EIF4G3: variants seen among roughly 807,000 people sequenced by gnomAD.
EIF4G3 encodes eukaryotic translation initiation factor 4 gamma 3.
In EIF4G3, 34 loss-of-function variants were observed where a neutral mutation model predicts 186.4. The observed-to-expected ratio is 0.18, with a 90% CI of 0.14 to 0.24. The LOEUF is 0.24. Among genes scored for constraint, EIF4G3 ranks in the 10% least tolerant of loss-of-function variants. The probability of loss-of-function intolerance (pLI) is 1.00; values close to 1 mark genes in which losing one functional copy is unlikely to be tolerated. For synonymous variants in EIF4G3, 673 were observed against 679.5 expected (o/e 0.99, Z 0.15); for missense variants, 1,536 against 1,948.5 (o/e 0.79, Z 3.99).
chr1:21,084,166 G>A (rs2095881036), intron 3 of EIF4G3, among the ~76,000 whole-genome samples: 1 of 150,940 alleles, frequency 6.6e-6, no homozygotes, highest in South Asian at 2.1e-4. Context: ...CTTTACTATG[G>A]TCTGTAATGT....
intron 2 of EIF4G3, among the ~76,000 whole-genome samples, chr1:21,121,662 C>G (rs1327665673): frequency 6.6e-6 from 1 of 151,846 alleles, no homozygotes; most frequent in Non-Finnish European, 1.5e-5. Context: ...GTAGTCCCAG[C>G]TACTCGGGAG....
At chr1:21,040,147 G>A (rs2154574977) in intron 4 of EIF4G3, among the ~76,000 whole-genome samples, 1 of 152,314 alleles carries the variant, frequency 6.6e-6, no homozygotes, top group East Asian at 1.9e-4. Context: ...ATGATTAGAG[G>A]GTTGGGACTT....
At chr1:20,925,443 A>G (rs1350343820) in intron 14 of EIF4G3, among the ~76,000 whole-genome samples, 1 of 152,270 alleles carries the variant, frequency 6.6e-6, no homozygotes, top group East Asian at 1.9e-4. Flanking sequence ...ACAACTATTA[A>G]TAACGGTATT....
rs77996633 is a variant in EIF4G3 at position 20,961,995 on chromosome 1, T to C, written c.714+7479A>G. On this transcript the variant is annotated intron_variant, in intron 12 of 36. Transcript: ENST00000602326. ...GATGACAAAATGAAATTTTAAAAGA[T>C]TGGATTTGTTTACATTATACTAGGT... Among the ~76,000 whole-genome samples, 769 of 152,332 alleles carry C rather than the reference T, an allele frequency of 5.0e-3. 8 individuals carry two copies. The highest frequency in any genetic ancestry group is 7.3e-3 in the Non-Finnish European group (496 of 68,022).
At chr1:20,910,436 T>A (rs2093005395) in intron 14 of EIF4G3, among the ~76,000 whole-genome samples, 1 of 151,928 alleles carries the variant, frequency 6.6e-6, no homozygotes, top group Admixed American at 6.6e-5. Flanking sequence ...ATACAAAAAT[T>A]AGCCAGGCGT....
intron 30 of EIF4G3, among the ~76,000 whole-genome samples, chr1:20,839,909 CAA>C (rs58331252): frequency 7.8e-5 from 10 of 128,468 alleles, no homozygotes; most frequent in Admixed American, 2.5e-4. Context: ...ATGAGCTTGG[CAA>C]AAAAAAAAAA....
At position 20,883,161 on chromosome 1, in the gene EIF4G3, C is replaced by T. The variant is rs901028905; in HGVS notation, c.2424+3040G>A. Among the ~76,000 whole-genome samples, 6 of 151,220 alleles carry T rather than the reference C, an allele frequency of 4.0e-5. No individual in the cohort carries two copies. The South Asian group carries it at 1.0e-3, about 26-fold the overall frequency. ...TTCTGTGTTAGGTACAAATGAAGCA[C>T]GAAACACAGTTATTGCCTTCTACAG... On this transcript the variant is annotated intron_variant, in intron 19 of 36. Coordinates refer to ENST00000602326, the MANE Select transcript of EIF4G3 (RefSeq NM_001391906.1).
chr1:20,856,670 T>G (rs1339317002), intron 25 of EIF4G3, among the ~76,000 whole-genome samples: 1 of 152,206 alleles, frequency 6.6e-6, no homozygotes, highest in Non-Finnish European at 1.5e-5. Flanking sequence ...GTGGTTTCCT[T>G]TACGCCTTGG....
chr1:21,157,228 T>C (rs2097678144), intron 2 of EIF4G3, among the ~76,000 whole-genome samples: 1 of 152,034 alleles, frequency 6.6e-6, no homozygotes, highest in South Asian at 2.1e-4. Context: ...GCCCATACCA[T>C]TTCCCTCAAC....
In EIF4G3 at chr1:21,134,912, C is replaced by G. The variant is rs180902329; in HGVS notation, c.-272+41263G>C. ...TTTATTCTCTAACAGTTACCAATCT[C>G]AGATATATATGCAATATTTTAAAAT... On this transcript the variant is annotated intron_variant, in intron 2 of 36. Transcript: ENST00000602326. Among the ~76,000 whole-genome samples, 10 of 152,016 alleles carry G rather than the reference C, an allele frequency of 6.6e-5. No individual in the cohort carries two copies. In the East Asian group the frequency reaches 1.9e-3, roughly 29 times the overall value.
At chr1:20,928,595 G>T (rs907866568) in intron 14 of EIF4G3, among the ~76,000 whole-genome samples, 1 of 152,028 alleles carries the variant, frequency 6.6e-6, no homozygotes, top group Non-Finnish European at 1.5e-5. Context: ...GTAGAGACAG[G>T]TTTCACCATG....
intron 14 of EIF4G3, among the ~76,000 whole-genome samples, chr1:20,923,584 T>A (rs1484944227): frequency 6.6e-6 from 1 of 152,022 alleles, no homozygotes; most frequent in Admixed American, 6.6e-5. Flanking sequence ...CTCAACACTT[T>A]TCATCTCCAA....
intron 12 of EIF4G3, among the ~76,000 whole-genome samples, chr1:20,950,927 T>G (rs988589307): frequency 6.6e-6 from 1 of 152,202 alleles, no homozygotes; most frequent in African/African-American, 2.4e-5. Flanking sequence ...TCATTCAGGA[T>G]TTGAGGTTAC....
At chr1:20,881,607 C>T (rs2082340213) in intron 19 of EIF4G3, among the ~76,000 whole-genome samples, 1 of 151,302 alleles carries the variant, frequency 6.6e-6, no homozygotes, top group African/African-American at 2.4e-5. Flanking sequence ...GGCAACATGG[C>T]AAAACCCTGT....
intron 14 of EIF4G3, among the ~76,000 whole-genome samples, chr1:20,932,362 A>G (rs1002671637): frequency 5.9e-5 from 9 of 152,156 alleles, no homozygotes; most frequent in Non-Finnish European, 2.9e-5. Flanking sequence ...TTGTGTGATC[A>G]CTGGAGTAGC....
chr1:20,844,740 GAGA>G (rs752165014), intron 29 of EIF4G3, among the ~76,000 whole-genome samples: 20 of 152,074 alleles, frequency 1.3e-4, no homozygotes, highest in Non-Finnish European at 2.9e-4. Context: ...GCTGAGGCAG[GAGA>G]ATCACTTGAA....
intron 4 of EIF4G3, among the ~76,000 whole-genome samples, chr1:21,014,210 G>A (rs537339872): frequency 3.9e-5 from 6 of 152,276 alleles, no homozygotes; most frequent in East Asian, 3.9e-4. Flanking sequence ...AATTATCACC[G>A]GTGGAGGCGC....
At chr1:21,081,636 AT>A (rs566655576) in intron 3 of EIF4G3, among the ~76,000 whole-genome samples, 1,872 of 122,778 alleles carry the variant, frequency 0.015, 5 homozygotes, top group East Asian at 0.034. Flanking sequence ...GATGAGTCCA[AT>A]TTTTTTTTTT....
At chr1:20,942,373 G>A (rs752775495) in intron 13 of EIF4G3, 43 bp from the exon 14 acceptor site, 1 of 1,523,016 alleles carries the variant, frequency 6.6e-7, no homozygotes, top group Admixed American at 2.3e-5. Flanking sequence ...TCTTGGATCA[G>A]AGACTACATA....
Sources: gnomAD v4.1 joint callset for allele counts (sites outside exome capture counted in the v4.1 genomes callset) on GRCh38, gnomAD v4.1.1 for gene constraint, MANE v1.5 for transcripts, NCBI Gene and HGNC (gene_info 2026-07-23, HGNC 2026-07-21) for gene names.